Variants in PRDM16 observed in about 807,000 individuals in gnomAD.
PRDM16 encodes histone-lysine N-methyltransferase PRDM16.
In PRDM16, 23 loss-of-function variants were observed where a neutral mutation model predicts 110.6. The observed-to-expected ratio is 0.21, with a 90% CI of 0.15 to 0.29. The LOEUF is 0.29. Among genes scored for constraint, PRDM16 ranks in the 10% least tolerant of loss-of-function variants. The pLI is 1.00. For missense variants in PRDM16, 1,615 were observed against 1,794.3 expected (o/e 0.90, Z 1.81); for synonymous variants, 799 against 781.8 (o/e 1.02, Z -0.37).
intron 2 of PRDM16, among the ~76,000 whole-genome samples, chr1:3,215,445 A>G (rs28427360): frequency 0.059 from 4,768 of 81,222 alleles, 193 homozygotes; most frequent in African/African-American, 0.35. Flanking sequence ...AGGAGAACAG[A>G]GCCTCCAGGA....
At chr1:3,250,302 C>A (rs1639899443) in intron 3 of PRDM16, among the ~76,000 whole-genome samples, 1 of 152,158 alleles carries the variant, frequency 6.6e-6, no homozygotes, top group African/African-American at 2.4e-5. Context: ...TGACCTCTCG[C>A]CACCTCGCCA....
rs1039330255 is a variant in PRDM16, at chr1:3,287,876, C to T, written c.438+43739C>T. Among the ~76,000 whole-genome samples the T allele has an allele frequency of 7.2e-5, 11 of 152,342 alleles. No homozygotes were observed. The East Asian group carries it at 9.7e-4, about 13-fold the overall frequency. On this transcript the variant is annotated intron_variant, in intron 3 of 16. Transcript: ENST00000270722. ...CGCGGGCATCCAGGATTGCATTTAC[C>T]GGGGCTGGAGCCGCCCCCTGCATGG...
At chr1:3,257,582 G>T (rs1335992519) in intron 3 of PRDM16, among the ~76,000 whole-genome samples, 2 of 17,276 alleles carry the variant, frequency 1.2e-4, no homozygotes, top group Non-Finnish European at 2.0e-4. Flanking sequence ...GAAGCTGTTT[G>T]TTACATTGGC....
In PRDM16 at chr1:3,336,737, T is replaced by C. The variant is rs1390581440; in HGVS notation, c.439-48415T>C. Among the ~76,000 whole-genome samples the C allele has an allele frequency of 3.3e-5, 5 of 151,448 alleles. No individual in the cohort carries two copies. In the East Asian group the frequency reaches 9.7e-4, roughly 29 times the overall value. The stretch of plus-strand genomic sequence containing the variant: ...GCACATGTGTGTTGGTGTGAATCTG[T>C]GTGTGAATGCCTGCATGCACATGTG... On this transcript the variant is annotated intron_variant, in intron 3 of 16. Coordinates refer to ENST00000270722, the MANE Select transcript of PRDM16 (RefSeq NM_022114.4).
At chr1:3,317,525 G>A (rs1035450261) in intron 3 of PRDM16, among the ~76,000 whole-genome samples, 4 of 150,090 alleles carry the variant, frequency 2.7e-5, no homozygotes, top group African/African-American at 7.6e-5. Context: ...TTCTAGCAGC[G>A]CCCTCCTTCC....
At chr1:3,131,232 C>T (rs1375011191) in intron 1 of PRDM16, among the ~76,000 whole-genome samples, 2 of 152,218 alleles carry the variant, frequency 1.3e-5, no homozygotes, top group African/African-American at 4.8e-5. Context: ...TCAGACATTT[C>T]TCGTCATTGT....
At chr1:3,139,099 C>G (rs990159455) in intron 1 of PRDM16, among the ~76,000 whole-genome samples, 1 of 152,126 alleles carries the variant, frequency 6.6e-6, no homozygotes, top group Non-Finnish European at 1.5e-5. Context: ...CCATGACTTA[C>G]GCTTGTTGAT....
intron 1 of PRDM16, among the ~76,000 whole-genome samples, chr1:3,181,823 G>T (rs1409552827): frequency 1.3e-5 from 1 of 77,236 alleles, no homozygotes; most frequent in Non-Finnish European, 2.8e-5. Context: ...TACACATGCG[G>T]TCTTACACAT....
rs200947814 is a variant in PRDM16 at position 3,412,478 on chromosome 1, G to C, written c.2281G>C (p.Ala761Pro). 1 of 1,613,086 alleles carries C rather than the reference G, an allele frequency of 6.2e-7. No homozygotes were observed. The highest frequency in any genetic ancestry group is 2.2e-5 in the East Asian group (1 of 44,810). The change falls in exon 9 of 17, where the codon GCC (alanine) becomes CCC (proline). Residue 761 changes from alanine to proline, a missense_variant. Ala to Pro is a conservative substitution (Grantham distance 27). Around this residue, in one of 5 missense-constraint regions of PRDM16, gnomAD observed 772 missense variants for 748.3 expected, o/e 1.03. Coordinates refer to ENST00000270722, the MANE Select transcript of PRDM16 (RefSeq NM_022114.4). ...GGCCGAGCCAAAGTCACCCCGGGAC[G>C]CCCTCAAGGTGGGCGGCCCCAGTGC... is the stretch of plus-strand genomic sequence containing the variant. Reference protein sequence around the residue: ...VKAEPKSPRDALKVGGPSAEC... With the variant: ...VKAEPKSPRDPLKVGGPSAEC...
In PRDM16 at chr1:3,425,770, G is replaced by A. The variant is rs1167367133; in HGVS notation, c.3109+20G>A. The A allele has an allele frequency of 1.9e-6, 3 of 1,612,282 alleles. No individual in the cohort carries two copies. Among genetic ancestry groups the A allele is most frequent in the African/African-American group, 1.3e-5 (1 of 74,902 alleles). Reference sequence around the variant, plus strand: ...CACCAGGTGGGCCACGCGGGGTGGGGCAGCCCCCAGAGCACCCACACGGGC... The same window carrying A: ...CACCAGGTGGGCCACGCGGGGTGGGACAGCCCCCAGAGCACCCACACGGGC... On this transcript the variant is annotated intron_variant, in intron 13 of 16. Transcript: ENST00000270722. The surrounding 1 kb of genome is among the most constrained non-coding windows in gnomAD (Gnocchi z 6.9).
At chr1:3,368,668 G>A (rs932485289) in intron 3 of PRDM16, among the ~76,000 whole-genome samples, 2 of 152,212 alleles carry the variant, frequency 1.3e-5, no homozygotes, top group Non-Finnish European at 2.9e-5. Context: ...AAACCGTGTT[G>A]TGCTGCTTTA....
chr1:3,126,946 G>A (rs1643221757), intron 1 of PRDM16, among the ~76,000 whole-genome samples: 1 of 152,216 alleles, frequency 6.6e-6, no homozygotes, highest in African/African-American at 2.4e-5. Context: ...TCAGCTGGGA[G>A]GCCCCTCGAG....
At chr1:3,184,986 G>T (rs1357205695) in intron 1 of PRDM16, among the ~76,000 whole-genome samples, 2 of 152,204 alleles carry the variant, frequency 1.3e-5, no homozygotes, top group African/African-American at 2.4e-5. Context: ...CCTCCTTGGG[G>T]AGGGGAGGTA....
In PRDM16 at chr1:3,280,476, C is replaced by T. The variant is rs112266538; in HGVS notation, c.438+36339C>T. Reference sequence around the variant, plus strand: ...CCCTTACTGCCAGCGTCCAACCTCACACCAGAGAAAAGCCAGAGTTTCATG... The same window carrying T: ...CCCTTACTGCCAGCGTCCAACCTCATACCAGAGAAAAGCCAGAGTTTCATG... On this transcript the variant is annotated intron_variant, in intron 3 of 16. Coordinates refer to ENST00000270722, the MANE Select transcript of PRDM16 (RefSeq NM_022114.4). Among the ~76,000 whole-genome samples, 719 of 152,340 alleles carry T rather than the reference C, an allele frequency of 4.7e-3. 6 individuals carry two copies. Among genetic ancestry groups the T allele is most frequent in the African/African-American group, 0.016 (676 of 41,570 alleles).
Position 3,425,946 on chromosome 1 carries a change from G to A in PRDM16, c.3110-105G>A. The A allele has an allele frequency of 7.4e-7, 1 of 1,359,914 alleles. No homozygotes were observed. Among genetic ancestry groups the A allele is most frequent in the Non-Finnish European group, 9.9e-7 (1 of 1,007,982 alleles). 84.2% of individuals were successfully genotyped at this position (1,359,914 alleles called of 1,614,324 possible). ...GCTCTCCGGTGTCCCTAAGAAACCT[G>A]CCTCCCTAACAGCACCCCAGGTGTA... is the stretch of plus-strand genomic sequence containing the variant. On this transcript the variant is annotated intron_variant, in intron 13 of 16. Transcript: ENST00000270722. This position sits in a 1 kb window ranked among gnomAD's most constrained non-coding sequence, Gnocchi z 6.9.
In PRDM16 at chr1:3,069,609, G is replaced by C. The variant is rs1264626197; in HGVS notation, c.37+313G>C. Among the ~76,000 whole-genome samples the C allele has an allele frequency of 6.6e-6, 1 of 150,660 alleles. No homozygotes were observed. Among genetic ancestry groups the C allele is most frequent in the African/African-American group, 2.4e-5 (1 of 41,316 alleles). On this transcript the variant is annotated intron_variant, in intron 1 of 16. Coordinates refer to ENST00000270722, the MANE Select transcript of PRDM16 (RefSeq NM_022114.4). The surrounding 1 kb of genome is among the most constrained non-coding windows in gnomAD (Gnocchi z 6.1). ...GAGGCGCGCGGTGGGGGCCGGGGAG[G>C]GGGGCGGAGGGGGAGGGCCGGGGGT...
intron 3 of PRDM16, among the ~76,000 whole-genome samples, chr1:3,369,138 T>G (rs972814520): frequency 2.0e-5 from 3 of 152,154 alleles, no homozygotes; most frequent in African/African-American, 7.2e-5. Context: ...TTTGATATAT[T>G]TTGTCAAAGG....
intron 3 of PRDM16, among the ~76,000 whole-genome samples, chr1:3,253,477 C>T (rs531995016): frequency 3.3e-5 from 5 of 150,276 alleles, no homozygotes; most frequent in East Asian, 2.0e-4. Flanking sequence ...TTTGTCCTTG[C>T]GATAGTTTAT....
chr1:3,086,762 G>T (rs1199942524), intron 1 of PRDM16, among the ~76,000 whole-genome samples: 2 of 152,188 alleles, frequency 1.3e-5, no homozygotes, highest in African/African-American at 4.8e-5. Context: ...GTCTGCCGGG[G>T]CTTGCTGTCT....
Sources: gnomAD v4.1 joint callset for allele counts (sites outside exome capture counted in the v4.1 genomes callset) on GRCh38, gnomAD v4.1.1 for gene constraint, gnomAD v4.1.1 regional missense constraint, Gnocchi (gnomAD v3.1) non-coding constraint, MANE v1.5 for transcripts, NCBI Gene and HGNC (gene_info 2026-07-23, HGNC 2026-07-21) for gene names.